Variants in TRPS1 observed in about 807,000 individuals in gnomAD.
TRPS1 encodes zinc finger transcription factor Trps1.
In TRPS1, 6 loss-of-function variants were observed where a neutral mutation model predicts 101.2. That is an observed-to-expected ratio of 0.06 (90% CI 0.03 to 0.12). The LOEUF (loss-of-function observed/expected upper bound fraction) is 0.12, where lower values mean the gene tolerates loss of function less well. Ranked by LOEUF, TRPS1 falls within the 10% of genes least tolerant of loss-of-function variation. The pLI, the probability that TRPS1 is intolerant of heterozygous loss-of-function variation, is 1.00. For synonymous variants in TRPS1, 578 were observed against 589.8 expected, an observed-to-expected ratio of 0.98 and a Z score of 0.29; for missense variants, 1,363 against 1,567.0, an observed-to-expected ratio of 0.87 and a Z score of 2.20.
At chr8:115,522,232 T>C (rs1424273440) in intron 5 of TRPS1, among the ~76,000 whole-genome samples, 1 of 151,996 alleles carries the variant, frequency 6.6e-6, no homozygotes, top group Non-Finnish European at 1.5e-5. Flanking sequence ...CCCACAATAA[T>C]AAAGTGTAAT....
At chr8:115,437,322 G>C (rs964203389) in intron 5 of TRPS1, among the ~76,000 whole-genome samples, 8 of 152,216 alleles carry the variant, frequency 5.3e-5, no homozygotes, top group African/African-American at 1.9e-4. Context: ...TCCACTATTT[G>C]AGATGCCATC....
At chr8:115,520,254 T>C (rs1815824747) in intron 5 of TRPS1, among the ~76,000 whole-genome samples, 1 of 151,816 alleles carries the variant, frequency 6.6e-6, no homozygotes, top group Non-Finnish European at 1.5e-5. Flanking sequence ...TATGCATACA[T>C]ACCCATACAT....
chr8:115,535,043 T>C (rs1180916919), intron 5 of TRPS1, among the ~76,000 whole-genome samples: 2 of 148,392 alleles, frequency 1.3e-5, no homozygotes, highest in African/African-American at 2.5e-5. Context: ...ATATAGCATA[T>C]ATATAGCATA....
intron 5 of TRPS1, among the ~76,000 whole-genome samples, chr8:115,520,923 T>A (rs189281977): frequency 6.6e-6 from 1 of 151,994 alleles, no homozygotes; most frequent in African/African-American, 2.4e-5. Context: ...TTACTCTATA[T>A]TTGTACAGGT....
At chr8:115,585,489 C>T (rs3808461) in intron 5 of TRPS1, among the ~76,000 whole-genome samples, 105,744 of 152,010 alleles carry the variant, frequency 0.7, 38,189 homozygotes, top group African/African-American at 0.89. Context: ...AGATATAAGG[C>T]CCCCAAATAT....
At chr8:115,598,414 C>T (rs965092568) in intron 4 of TRPS1, among the ~76,000 whole-genome samples, 3 of 152,024 alleles carry the variant, frequency 2.0e-5, no homozygotes, top group South Asian at 2.1e-4. Flanking sequence ...CTTAAGTGAT[C>T]CTCCCATCTC....
chr8:115,450,073 C>G (rs1204185077), intron 5 of TRPS1, among the ~76,000 whole-genome samples: 1 of 151,858 alleles, frequency 6.6e-6, no homozygotes, highest in Middle Eastern at 3.4e-3. Flanking sequence ...TATATAGGAA[C>G]GTGATGCAAC....
At chr8:115,478,146 C>T (rs1814651867) in intron 5 of TRPS1, among the ~76,000 whole-genome samples, 2 of 152,142 alleles carry the variant, frequency 1.3e-5, no homozygotes, top group Admixed American at 1.3e-4. Context: ...ATAGATGCCT[C>T]AAAAGATACA....
At chr8:115,518,998 C>T (rs1465800711) in intron 5 of TRPS1, among the ~76,000 whole-genome samples, 1 of 151,714 alleles carries the variant, frequency 6.6e-6, no homozygotes, top group Admixed American at 6.6e-5. Context: ...GTAGGGACCA[C>T]TTTAATATAT....
chr8:115,632,099 T>C (rs1818659385), intron 1 of TRPS1, among the ~76,000 whole-genome samples: 2 of 152,100 alleles, frequency 1.3e-5, no homozygotes, highest in African/African-American at 4.8e-5. Flanking sequence ...TAGTGATAAT[T>C]CTATAATAAG....
At chr8:115,477,273 C>A (rs1017175888) in intron 5 of TRPS1, among the ~76,000 whole-genome samples, 37 of 152,098 alleles carry the variant, frequency 2.4e-4, no homozygotes, top group African/African-American at 8.7e-4. Context: ...CAGAAAGTGA[C>A]AAGAGCATAA....
rs1474300773 is a variant in TRPS1, at chr8:115,604,182, T to G, written c.1787A>C (p.Tyr596Ser). 1 of 1,614,046 alleles carries G rather than the reference T, an allele frequency of 6.2e-7. No individual in the cohort carries two copies. Among genetic ancestry groups the G allele is most frequent in the Non-Finnish European group, 8.5e-7 (1 of 1,180,002 alleles). The part of the protein sequence containing the change: ...SPEKHLGEIT[Y>S]PFACRKSNCS... ...ATTACTTTTTCTACAAGCAAACGGA[T>G]AAGTAATTTCTCCAAGGTGCTTTTC... is the stretch of plus-strand genomic sequence containing the variant. The change falls in exon 4 of 7, where the codon TAT (tyrosine) becomes TCT (serine). Residue 596 changes from tyrosine to serine, a missense_variant. By Grantham distance (144) the Tyr-to-Ser change is moderately radical (BLOSUM62 -2). Around this residue, in one of 5 missense-constraint regions of TRPS1, gnomAD observed 1,020 missense variants for 1,073.0 expected, o/e 0.95. Coordinates refer to ENST00000395715, the MANE Select transcript of TRPS1 (RefSeq NM_014112.5). This position sits in a 1 kb window ranked among gnomAD's most constrained non-coding sequence, Gnocchi z 4.1.
intron 5 of TRPS1, among the ~76,000 whole-genome samples, chr8:115,539,788 G>A (rs1386838056): frequency 6.6e-6 from 1 of 152,178 alleles, no homozygotes; most frequent in African/African-American, 2.4e-5. Flanking sequence ...AGCCCGGGAG[G>A]CAGAGGTTGC....
At chr8:115,491,514 C>T (rs1318890969) in intron 5 of TRPS1, among the ~76,000 whole-genome samples, 1 of 151,990 alleles carries the variant, frequency 6.6e-6, no homozygotes, top group African/African-American at 2.4e-5. Flanking sequence ...CTGGCGTATG[C>T]CTGTAGTCCC....
chr8:115,632,549 A>G (rs1818670708), intron 1 of TRPS1, among the ~76,000 whole-genome samples: 1 of 152,144 alleles, frequency 6.6e-6, no homozygotes, highest in African/African-American at 2.4e-5. Flanking sequence ...CTCAAACTGG[A>G]AACAAGCTAA....
At chr8:115,521,845 CTATA>C (rs1163640866) in intron 5 of TRPS1, among the ~76,000 whole-genome samples, 1 of 151,820 alleles carries the variant, frequency 6.6e-6, no homozygotes, top group African/African-American at 2.4e-5. Flanking sequence ...TTTGAAAACA[CTATA>C]TATCTTTCCC....
At chr8:115,643,443 C>T (rs1240088139) in intron 1 of TRPS1, among the ~76,000 whole-genome samples, 2 of 152,204 alleles carry the variant, frequency 1.3e-5, no homozygotes, top group East Asian at 3.8e-4. Context: ...AGCATTTCCA[C>T]CAGGAATAGC....
At chr8:115,551,543 A>T (rs567488962) in intron 5 of TRPS1, among the ~76,000 whole-genome samples, 1 of 152,326 alleles carries the variant, frequency 6.6e-6, no homozygotes, top group Non-Finnish European at 1.5e-5. Context: ...AGTCTTTATC[A>T]TCAAAGCTGG....
At chr8:115,658,628 C>T (rs2130624063) in intron 1 of TRPS1, among the ~76,000 whole-genome samples, 1 of 152,210 alleles carries the variant, frequency 6.6e-6, no homozygotes, top group Admixed American at 6.5e-5. Context: ...CAAGGACACA[C>T]TGAATCGTTC....
Sources: allele counts gnomAD v4.1 joint callset (sites outside exome capture counted in the v4.1 genomes callset), GRCh38; gene constraint gnomAD v4.1.1; regional missense constraint gnomAD v4.1.1; non-coding constraint Gnocchi (gnomAD v3.1); transcripts MANE v1.5; gene names NCBI Gene and HGNC (gene_info 2026-07-23, HGNC 2026-07-21).